Variants in DGKG observed in about 807,000 individuals in gnomAD.
DGKG encodes diacylglycerol kinase gamma.
Under a neutral mutation model 105.3 loss-of-function variants are expected in DGKG, and 78 were observed. The observed-to-expected ratio is 0.74, with a 90% confidence interval of 0.62 to 0.89. DGKG has a LOEUF of 0.89. Ranked by LOEUF, DGKG falls within the 40% of genes least tolerant of loss-of-function variation. The pLI is 0.00. For missense variants in DGKG, 958 were observed against 1,020.1 expected, an observed-to-expected ratio of 0.94 and a Z score of 0.83; for synonymous variants, 346 against 367.1, an observed-to-expected ratio of 0.94 and a Z score of 0.66.
At chr3:186,254,088 A>C (rs1721348105) in intron 17 of DGKG, among the ~76,000 whole-genome samples, 1 of 152,162 alleles carries the variant, frequency 6.6e-6, no homozygotes, top group African/African-American at 2.4e-5. Flanking sequence ...CTGGCCTCAG[A>C]TCTACCGTGG....
intron 22 of DGKG, among the ~76,000 whole-genome samples, chr3:186,180,118 A>C (rs2108493655): frequency 6.6e-6 from 1 of 152,236 alleles, no homozygotes. Context: ...ATTATATGAG[A>C]GTTCCTCAAG....
chr3:186,250,098 A>G (rs1721133410), intron 19 of DGKG, among the ~76,000 whole-genome samples: 1 of 152,194 alleles, frequency 6.6e-6, no homozygotes, highest in Non-Finnish European at 1.5e-5. Flanking sequence ...GCTCCAGAAC[A>G]AGGCACCACC....
At chr3:186,245,887 AAAAAAGT>A (rs1372783789) in intron 19 of DGKG, among the ~76,000 whole-genome samples, 4 of 151,512 alleles carry the variant, frequency 2.6e-5, no homozygotes, top group African/African-American at 9.8e-5. Flanking sequence ...GTAGCCACAT[AAAAAAGT>A]AAAAACAAAA....
intron 21 of DGKG, among the ~76,000 whole-genome samples, chr3:186,195,282 C>CAA (rs199878057): frequency 1.7e-5 from 2 of 117,378 alleles, no homozygotes; most frequent in African/African-American, 5.2e-5. Context: ...TATAGCAAAA[C>CAA]AAAAAAAAAC....
At chr3:186,261,539 G>A (rs746585408) in intron 15 of DGKG, among the ~76,000 whole-genome samples, 160 bp downstream of exon 15, 21 of 152,134 alleles carry the variant, frequency 1.4e-4, no homozygotes, top group Admixed American at 2.6e-4. Flanking sequence ...ACCGAGGCCC[G>A]GGGACATTAA....
At chr3:186,249,156 G>A (rs1034003887) in intron 19 of DGKG, among the ~76,000 whole-genome samples, 10 of 152,078 alleles carry the variant, frequency 6.6e-5, no homozygotes, top group African/African-American at 2.4e-4. Flanking sequence ...ATCTGCGTGG[G>A]TCACTGGAGG....
At chr3:186,332,290 G>A (rs921306641) in intron 1 of DGKG, among the ~76,000 whole-genome samples, 4 of 152,204 alleles carry the variant, frequency 2.6e-5, no homozygotes, top group African/African-American at 7.2e-5. Flanking sequence ...ATGGGACTTC[G>A]AAAGAAAACC....
chr3:186,287,096 A>G (rs1723106193), intron 6 of DGKG, among the ~76,000 whole-genome samples: 1 of 151,908 alleles, frequency 6.6e-6, no homozygotes, highest in African/African-American at 2.4e-5. Flanking sequence ...GAGGGATCCA[A>G]AAGATTAAAA....
rs185475394 is a variant in DGKG, at chr3:186,202,569, A to G, written c.1917+9226T>C. Among the ~76,000 whole-genome samples the G allele has an allele frequency of 3.0e-4, 46 of 152,280 alleles. No individual in the cohort carries two copies. The East Asian group carries it at 6.9e-3, about 23-fold the overall frequency. ...AAAAAGTCTAGGTCATTTCCCACTG[A>G]TGGGGCCTCGCAGTTTATTATTACT... On this transcript the variant is annotated intron_variant, in intron 21 of 24. Transcript: ENST00000265022.
intron 24 of DGKG, among the ~76,000 whole-genome samples, chr3:186,153,394 T>C (rs951118561): frequency 2.6e-5 from 4 of 152,152 alleles, no homozygotes; most frequent in African/African-American, 9.7e-5. Context: ...CAAGCTTCTT[T>C]GGTAATTGGG....
At chr3:186,247,095 C>T (rs1201586702) in intron 19 of DGKG, among the ~76,000 whole-genome samples, 1 of 152,118 alleles carries the variant, frequency 6.6e-6, no homozygotes, top group East Asian at 1.9e-4. Context: ...GAGGAAGTGG[C>T]ATCCTGAATG....
intron 1 of DGKG, among the ~76,000 whole-genome samples, chr3:186,333,881 G>A (rs1323743213): frequency 2.6e-5 from 4 of 152,050 alleles, no homozygotes; most frequent in Non-Finnish European, 5.9e-5. Context: ...AACAGTAACC[G>A]CAACAAAACC....
chr3:186,338,084 C>A (rs1307621297), intron 1 of DGKG, among the ~76,000 whole-genome samples: 2 of 151,014 alleles, frequency 1.3e-5, no homozygotes, highest in Non-Finnish European at 2.9e-5. Context: ...GTGGGAGGAT[C>A]CCTTGAGCCC....
At chr3:186,156,182 C>T (rs1166345794) in intron 24 of DGKG, among the ~76,000 whole-genome samples, 1 of 152,138 alleles carries the variant, frequency 6.6e-6, no homozygotes, top group Non-Finnish European at 1.5e-5. Flanking sequence ...TAGAAAATCC[C>T]TGCCCCCAGT....
In DGKG at chr3:186,148,782, A is replaced by G. The variant is rs1008078566; in HGVS notation, c.*1308T>C. 1.0e-6 allele frequency: 1 copy of G among 985,596 alleles called. No homozygotes were observed. The highest frequency in any genetic ancestry group is 1.2e-6 in the Non-Finnish European group (1 of 829,906). 61.1% of individuals were successfully genotyped at this position (985,596 alleles called of 1,614,324 possible). ...ATAGGAGTTCTCGGTCTCTTCGTTC[A>G]TAATAGGGAGCTACTTTCATTCCCC... On this transcript the variant is annotated 3_prime_UTR_variant, in exon 25 of 25. Coordinates refer to ENST00000265022, the MANE Select transcript of DGKG (RefSeq NM_001346.3).
intron 1 of DGKG, among the ~76,000 whole-genome samples, chr3:186,350,189 C>T (rs1726560630): frequency 6.6e-6 from 1 of 152,192 alleles, no homozygotes; most frequent in African/African-American, 2.4e-5. Flanking sequence ...CATGCTCAGC[C>T]TTCCACAGAA....
In DGKG at chr3:186,280,850, C is replaced by A. The variant is rs530366451; in HGVS notation, c.595-106G>T. The A allele has an allele frequency of 4.5e-6, 4 of 885,870 alleles. No individual in the cohort carries two copies. In the South Asian group the frequency reaches 6.1e-5, roughly 14 times the overall value. The allele number at this position is 885,870 out of a possible 1,614,324, so 54.9% of individuals were successfully genotyped here. On this transcript the variant is annotated intron_variant, in intron 7 of 24. Transcript: ENST00000265022. ...CAGTGGGAAGAGGGACAGGGCAGGG[C>A]AAGAGAAGAAGCTGGTGCAGTAACT...
chr3:186,194,184 A>G (rs577606879), intron 21 of DGKG, among the ~76,000 whole-genome samples: 1 of 152,266 alleles, frequency 6.6e-6, no homozygotes, highest in Non-Finnish European at 1.5e-5. Context: ...GGTGGAAGGC[A>G]GGTGCACAGG....
chr3:186,216,313 A>G (rs1719290789), intron 20 of DGKG, among the ~76,000 whole-genome samples: 1 of 152,070 alleles, frequency 6.6e-6, no homozygotes. Flanking sequence ...CACTTTTAAT[A>G]GCATCACCAA....
Sources: gnomAD v4.1 joint callset for allele counts (sites outside exome capture counted in the v4.1 genomes callset) on GRCh38, gnomAD v4.1.1 for gene constraint, MANE v1.5 for transcripts, NCBI Gene and HGNC (gene_info 2026-07-23, HGNC 2026-07-21) for gene names.